HIBCH: variants seen among roughly 807,000 people sequenced by gnomAD.
The protein encoded by HIBCH is 3-hydroxyisobutyryl-CoA hydrolase, mitochondrial.
HIBCH carries 50 observed loss-of-function variants against 58.2 expected under a neutral mutation model. The observed-to-expected ratio is 0.86, with a 90% confidence interval of 0.68 to 1.09. HIBCH has a LOEUF of 1.09. Among genes scored for constraint, HIBCH ranks in the 50% least tolerant of loss-of-function variants. The probability of loss-of-function intolerance (pLI) is 0.00; values close to 1 mark genes in which losing one functional copy is unlikely to be tolerated. For missense variants in HIBCH, 450 were observed against 449.7 expected (o/e 1.00, Z -0.01); for synonymous variants, 151 against 146.9 (o/e 1.03, Z -0.20).
intron 11 of HIBCH, among the ~76,000 whole-genome samples, chr2:190,226,595 C>CAAAAAA (rs752856547): frequency 1.0e-4 from 3 of 29,394 alleles, no homozygotes; most frequent in Non-Finnish European, 1.3e-4. Context: ...AACTCCGTCT[C>CAAAAAA]AAAAAAAAAA....
At chr2:190,251,152 T>C (rs1172759851) in intron 8 of HIBCH, among the ~76,000 whole-genome samples, 1 of 152,182 alleles carries the variant, frequency 6.6e-6, no homozygotes, top group African/African-American at 2.4e-5. Context: ...TTAATAATAG[T>C]TAAATTTTGA....
intron 1 of HIBCH, among the ~76,000 whole-genome samples, chr2:190,193,781 T>C (rs2105878712): frequency 6.6e-6 from 1 of 152,308 alleles, no homozygotes; most frequent in South Asian, 2.1e-4. Flanking sequence ...TTCTGTTGTC[T>C]CTATCGTATG....
chr2:190,221,293 G>C (rs989599979), intron 11 of HIBCH, among the ~76,000 whole-genome samples: 5 of 152,138 alleles, frequency 3.3e-5, no homozygotes, highest in Non-Finnish European at 5.9e-5. Context: ...CCACCTTCTA[G>C]ATGACTGACC....
intron 1 of HIBCH, among the ~76,000 whole-genome samples, chr2:190,198,360 G>T (rs547913233): frequency 6.2e-4 from 94 of 152,218 alleles, no homozygotes; most frequent in African/African-American, 2.2e-3. Context: ...GTGGTTTCAG[G>T]CCAGGCACAG....
At chr2:190,273,713 A>AG (rs1327793627) in intron 6 of HIBCH, among the ~76,000 whole-genome samples, 2 of 152,052 alleles carry the variant, frequency 1.3e-5, no homozygotes, top group Admixed American at 6.6e-5. Flanking sequence ...TTAAAAAAAA[A>AG]AGAGATTTAA....
rs559800443 is a variant in HIBCH, at chr2:190,209,301, A to G, written c.1012-388T>C. 7.2e-5 allele frequency among the ~76,000 whole-genome samples: 11 copies of G among 152,208 alleles called. 2 individuals carry two copies. In the South Asian group the frequency reaches 2.3e-3, roughly 32 times the overall value. ...CAATCCTAGCAAAATCCTGGCACCAACTAAACCCTATCACGTACCCCTGCC... is the reference window on the plus strand; with the variant it reads ...CAATCCTAGCAAAATCCTGGCACCAGCTAAACCCTATCACGTACCCCTGCC... On this transcript the variant is annotated intron_variant, in intron 12 of 13. Transcript: ENST00000359678. The surrounding 1 kb of genome is among the most constrained non-coding windows in gnomAD (Gnocchi z 5.6).
chr2:190,308,846 G>A (rs185350781), intron 2 of HIBCH, among the ~76,000 whole-genome samples: 356 of 152,268 alleles, frequency 2.3e-3, no homozygotes, highest in African/African-American at 3.2e-3. Context: ...CAATAGTTAC[G>A]TAGTGCCCAC....
Position 190,254,850 on chromosome 2 carries a change from TATA to T in HIBCH, c.518-2546_518-2544del, listed in dbSNP as rs1224895331. Among the ~76,000 whole-genome samples the T allele has an allele frequency of 6.6e-6, 1 of 152,230 alleles. No homozygotes were observed. Among genetic ancestry groups the T allele is most frequent in the African/African-American group, 2.4e-5 (1 of 41,458 alleles). ...CAGAACTTTCTACAATGATGAAATC[TATA>T]ATTTCTGCTGTCCAATAAGACAGCC... On this transcript the variant is annotated intron_variant, in intron 7 of 13. Transcript: ENST00000359678. This position sits in a 1 kb window ranked among gnomAD's most constrained non-coding sequence, Gnocchi z 5.0.
intron 1 of HIBCH, among the ~76,000 whole-genome samples, chr2:190,314,346 T>TAC (rs1559068506): frequency 7.7e-4 from 24 of 31,258 alleles, no homozygotes; most frequent in African/African-American, 2.6e-3. Flanking sequence ...TACATATATA[T>TAC]GTGTATATAT....
chr2:190,252,215 CT>C lies in HIBCH; in HGVS notation c.609del (p.Gly204GlufsTer14), dbSNP rs776592661. ...YFLALTGFRL[K>X]GRDVYRAGIA... The stretch of plus-strand genomic sequence containing the variant: ...ATTCCTGCTCTGTACACATCTCTTC[CT>C]TTTAGTCTGAATCCTGTTAATGCAA... On this transcript the variant is annotated frameshift_variant, in exon 8 of 14. Coordinates refer to ENST00000359678, the MANE Select transcript of HIBCH (RefSeq NM_014362.4). LOFTEE classifies it high-confidence loss of function. 19 of 1,613,800 alleles carry C rather than the reference CT, an allele frequency of 1.2e-5. No individual in the cohort carries two copies. The highest frequency in any genetic ancestry group is 1.4e-5 in the Non-Finnish European group (17 of 1,179,826).
rs556480266 is a variant in HIBCH, at chr2:190,234,358, C to T, written c.891+10529G>A. Among the ~76,000 whole-genome samples the T allele has an allele frequency of 4.6e-5, 7 of 152,306 alleles. No individual in the cohort carries two copies. The South Asian group carries it at 1.5e-3, about 32-fold the overall frequency. On this transcript the variant is annotated intron_variant, in intron 11 of 13. Transcript: ENST00000359678. ...TGTCTATGTTATCACAAGGCCAAAA[C>T]TGTTTACAGCAGAATTATTTCTAAC...
chr2:190,242,007 C>T (rs1686469052), intron 11 of HIBCH, among the ~76,000 whole-genome samples: 1 of 152,106 alleles, frequency 6.6e-6, no homozygotes, highest in South Asian at 2.1e-4. Flanking sequence ...TGAATGTTGG[C>T]CAGTCTTGCT....
At position 190,211,273 on chromosome 2, in the gene HIBCH, C is replaced by T. The variant is rs1312996667; in HGVS notation, c.1011+1683G>A. Among the ~76,000 whole-genome samples the T allele has an allele frequency of 6.6e-6, 1 of 152,162 alleles. No individual in the cohort carries two copies. The highest frequency in any genetic ancestry group is 1.5e-5 in the Non-Finnish European group (1 of 68,032). On this transcript the variant is annotated intron_variant, in intron 12 of 13. Transcript: ENST00000359678. The surrounding 1 kb of genome is among the most constrained non-coding windows in gnomAD (Gnocchi z 5.0). The stretch of plus-strand genomic sequence containing the variant: ...TCCAACTCATTCCTCTAATCTCTAA[C>T]TCCTAAATGCATTCCTTCCCTCACA...
chr2:190,279,548 T>C lies in HIBCH; in HGVS notation c.438+8038A>G, dbSNP rs1484097546. On this transcript the variant is annotated intron_variant, in intron 6 of 13. Transcript: ENST00000359678. This position sits in a 1 kb window ranked among gnomAD's most constrained non-coding sequence, Gnocchi z 4.2. Reference sequence around the variant, plus strand: ...GTATACATTCCTGTAAAAAGTAAAGTAGAGGATCCTCTTCAAAGAGACTTT... The same window carrying C: ...GTATACATTCCTGTAAAAAGTAAAGCAGAGGATCCTCTTCAAAGAGACTTT... 6.6e-6 allele frequency among the ~76,000 whole-genome samples: 1 copy of C among 152,206 alleles called. No homozygotes were observed. The highest frequency in any genetic ancestry group is 1.9e-4 in the East Asian group (1 of 5,202).
downstream of HIBCH, chr2:190,203,287 C>G (rs370647974): frequency 1.1e-4 from 18 of 167,136 alleles, no homozygotes; most frequent in East Asian, 3.1e-3. Context: ...ATTTGAATAA[C>G]TAAATAGGAC....
intron 11 of HIBCH, among the ~76,000 whole-genome samples, chr2:190,229,781 T>C (rs1056902746): frequency 1.3e-5 from 2 of 150,604 alleles, no homozygotes; most frequent in Non-Finnish European, 1.5e-5. Context: ...CAAGGGCAAA[T>C]AGTGCACAGA....
chr2:190,257,339 C>T (rs540539776), intron 7 of HIBCH, among the ~76,000 whole-genome samples: 19 of 152,080 alleles, frequency 1.2e-4, no homozygotes, highest in Non-Finnish European at 2.5e-4. Context: ...TACAAGTGAA[C>T]TCAGGTTTCA....
At chr2:190,200,942 TCA>T (rs1690218145), downstream of HIBCH, 1 of 166,908 alleles carries the variant, frequency 6.0e-6, no homozygotes. Flanking sequence ...GTAGAAAGTT[TCA>T]GTTTTAATTC....
At chr2:190,317,110 G>A (rs1266331615) in intron 1 of HIBCH, among the ~76,000 whole-genome samples, 3 of 151,952 alleles carry the variant, frequency 2.0e-5, no homozygotes, top group African/African-American at 7.2e-5. Flanking sequence ...TTGTAGAAAC[G>A]GGGTCTTGCT....
Sources: gnomAD v4.1 joint callset for allele counts (sites outside exome capture counted in the v4.1 genomes callset) on GRCh38, gnomAD v4.1.1 for gene constraint, Gnocchi (gnomAD v3.1) non-coding constraint, MANE v1.5 for transcripts, NCBI Gene and HGNC (gene_info 2026-07-23, HGNC 2026-07-21) for gene names.